The following LBP variants were observed in gnomAD, a reference collection of about 807,000 sequenced individuals.
LBP encodes the protein lipopolysaccharide-binding protein.
LBP carries 53 observed loss-of-function variants against 56.6 expected under a neutral mutation model. That is an observed-to-expected ratio of 0.94 (90% confidence interval 0.75 to 1.18). The LOEUF is 1.18. LBP is among the 50% of genes most tolerant of loss of function. The pLI, the probability that LBP is intolerant of heterozygous loss-of-function variation, is 0.00. For synonymous variants in LBP, 227 were observed against 247.5 expected, an observed-to-expected ratio of 0.92 and a Z score of 0.78; for missense variants, 601 against 598.3, an observed-to-expected ratio of 1.00 and a Z score of -0.05.
At chr20:38,348,867 C>T (rs1194669410) in intron 1 of LBP, among the ~76,000 whole-genome samples, 2 of 152,172 alleles carry the variant, frequency 1.3e-5, no homozygotes, top group African/African-American at 4.8e-5. Context: ...GATCTCGGCT[C>T]ACTGCAATCT....
chr20:38,353,417 A>G (rs1003453525), intron 3 of LBP, among the ~76,000 whole-genome samples: 1 of 150,418 alleles, frequency 6.6e-6, no homozygotes, highest in Non-Finnish European at 1.5e-5. Flanking sequence ...CAAAGGCTGC[A>G]TAACATTGGG....
At position 38,350,809 on chromosome 20, in the gene LBP, A is replaced by C; in HGVS notation, c.240-2A>C. ...CACCTCCTTCCATGTCTCTCCCTTC[A>C]GCCTGAACATCCACAGCTGTGAGCT... On this transcript the variant is annotated splice_acceptor_variant, in intron 2 of 14. Coordinates refer to ENST00000217407, the MANE Select transcript of LBP (RefSeq NM_004139.5). LOFTEE classifies it high-confidence loss of function. 1 of 1,602,182 alleles carries C rather than the reference A, an allele frequency of 6.2e-7. No homozygotes were observed. Among genetic ancestry groups the C allele is most frequent in the Non-Finnish European group, 8.5e-7 (1 of 1,171,046 alleles).
At chr20:38,376,286 G>A (rs1379194978) in intron 14 of LBP, among the ~76,000 whole-genome samples, 6 of 152,154 alleles carry the variant, frequency 3.9e-5, no homozygotes, top group Non-Finnish European at 5.9e-5. Flanking sequence ...TCTGGGTGAT[G>A]GAAACGTAAG....
intron 6 of LBP, among the ~76,000 whole-genome samples, chr20:38,362,053 CTTTTTTTTT>C (rs1229689650): frequency 8.5e-6 from 1 of 117,672 alleles, no homozygotes; most frequent in Non-Finnish European, 1.8e-5. Context: ...TTTTTGTTTT[CTTTTTTTTT>C]TTTTTTTTTT....
rs527947661 is a variant in LBP, at chr20:38,376,292, G to A, written c.1402-333G>A. Among the ~76,000 whole-genome samples, 30 of 152,292 alleles carry A rather than the reference G, an allele frequency of 2.0e-4. 1 individual carries two copies. The highest frequency in any genetic ancestry group is 1.0e-3 in the South Asian group (5 of 4,824). ...TCCTGCCCCTCTGGGTGATGGAAAC[G>A]TAAGAAGAGCAGGAGAGTACACCCT... On this transcript the variant is annotated intron_variant, in intron 14 of 14. Coordinates refer to ENST00000217407, the MANE Select transcript of LBP (RefSeq NM_004139.5).
At position 38,348,802 on chromosome 20, in the gene LBP, T is replaced by TGTTTC. The variant is rs1368123034; in HGVS notation, c.125-742_125-741insCGTTT. Reference sequence around the variant, plus strand: ...AGTTTAGTTTAGTTTTGTTTTGTTTTGTTTTGTTTGAGACAGAGTCTCACT... The same window carrying TGTTTC: ...AGTTTAGTTTAGTTTTGTTTTGTTTTGTTTCGTTTTGTTTGAGACAGAGTCTCACT... On this transcript the variant is annotated intron_variant, in intron 1 of 14. Coordinates refer to ENST00000217407, the MANE Select transcript of LBP (RefSeq NM_004139.5). 2.3e-4 allele frequency among the ~76,000 whole-genome samples: 31 copies of TGTTTC among 133,476 alleles called. No individual in the cohort carries two copies. The East Asian group carries it at 6.3e-3, about 27-fold the overall frequency. The allele number at this position is 133,476 out of a possible 152,430, so 87.6% of individuals were successfully genotyped here. A position where few individuals can be genotyped will look rare whatever the true frequency, so the allele number is the denominator to read the frequency against.
At chr20:38,365,706 AAAAAAAAAAAAATATAT>A (rs1294671311) in intron 8 of LBP, among the ~76,000 whole-genome samples, 1,325 of 76,700 alleles carry the variant, frequency 0.017, 30 homozygotes, top group African/African-American at 0.074. Flanking sequence ...CAAAAAAAAA[AAAAAAAAAAAAATATAT>A]ATATATATAT....
chr20:38,367,663 A>G (rs1040833619), intron 9 of LBP, among the ~76,000 whole-genome samples: 3 of 152,160 alleles, frequency 2.0e-5, no homozygotes, highest in South Asian at 2.1e-4. Flanking sequence ...ACTATCTCTT[A>G]TCTGAAATGC....
intron 3 of LBP, 48 bp downstream of exon 3, chr20:38,350,987 C>A: frequency 1.3e-6 from 2 of 1,595,828 alleles, no homozygotes; most frequent in Non-Finnish European, 8.6e-7. Flanking sequence ...CCTTGGCCTT[C>A]GCCCCATCCT....
intron 7 of LBP, 136 bp from the exon 8 acceptor site, chr20:38,364,440 T>C (rs1296545228): frequency 2.4e-6 from 2 of 830,104 alleles, no homozygotes; most frequent in Non-Finnish European, 4.0e-6. Context: ...TTAAAAGACA[T>C]AACACTGCCT....
At chr20:38,354,715 TGAAG>T (rs1264359954) in intron 4 of LBP, among the ~76,000 whole-genome samples, 2 of 152,090 alleles carry the variant, frequency 1.3e-5, no homozygotes, top group South Asian at 2.1e-4. Context: ...AAACTTTGGT[TGAAG>T]GAGAGTTTGC....
intron 1 of LBP, among the ~76,000 whole-genome samples, chr20:38,348,809 T>TTTTGC: frequency 6.6e-6 from 1 of 151,450 alleles, no homozygotes; most frequent in South Asian, 2.1e-4. Context: ...TTTTGTTTTG[T>TTTTGC]TTGAGACAGA....
chr20:38,360,517 A>C (rs1180092064), intron 5 of LBP, among the ~76,000 whole-genome samples, 187 bp from the exon 6 acceptor site: 1 of 152,166 alleles, frequency 6.6e-6, no homozygotes, highest in Non-Finnish European at 1.5e-5. Flanking sequence ...AGTGGAGTCC[A>C]CATGGGGGCC....
chr20:38,375,266 C>T (rs975433862), intron 14 of LBP, among the ~76,000 whole-genome samples: 2 of 150,164 alleles, frequency 1.3e-5, no homozygotes, highest in Non-Finnish European at 3.0e-5. Context: ...CTTTCTTTCC[C>T]TTTTTTTTTA....
chr20:38,354,531 TC>T, intron 4 of LBP, 92 bp downstream of exon 4: 1 of 1,226,930 alleles, frequency 8.2e-7, no homozygotes, highest in Non-Finnish European at 1.1e-6. Context: ...ATTGCAATGA[TC>T]CAGGTGGCTT....
At chr20:38,365,706 AAAAAAAAAAAAATATATAT>A (rs1448338103) in intron 8 of LBP, among the ~76,000 whole-genome samples, 23 of 76,732 alleles carry the variant, frequency 3.0e-4, no homozygotes, top group South Asian at 1.3e-3. Context: ...CAAAAAAAAA[AAAAAAAAAAAAATATATAT>A]ATATATATAT....
Position 38,373,960 on chromosome 20 carries a change from C to T in LBP, c.1348C>T (p.Leu450Phe). Residue 450 changes from leucine to phenylalanine, a missense_variant, in exon 14 of 15, where the codon CTT (leucine) becomes TTT (phenylalanine). Coordinates refer to ENST00000217407, the MANE Select transcript of LBP (RefSeq NM_004139.5). ...AGATAAGTTGGCCGAAGGCTTCCCC[C>T]TTCCTCTGCTGAAGCGTGTTCAGCT... is the stretch of plus-strand genomic sequence containing the variant. ...FNDKLAEGFP[L>F]PLLKRVQLYD... 2.5e-6 allele frequency: 4 copies of T among 1,614,148 alleles called. No homozygotes were observed. The highest frequency in any genetic ancestry group is 3.4e-6 in the Non-Finnish European group (4 of 1,180,000).
At chr20:38,355,168 C>T (rs1484872938) in intron 4 of LBP, among the ~76,000 whole-genome samples, 178 bp from the exon 5 acceptor site, 1 of 152,250 alleles carries the variant, frequency 6.6e-6, no homozygotes, top group East Asian at 1.9e-4. Flanking sequence ...TTGGGTGCCG[C>T]AGGCACTGGG....
chr20:38,356,229 A>C (rs1279648913), intron 5 of LBP, among the ~76,000 whole-genome samples: 2 of 8,672 alleles, frequency 2.3e-4, no homozygotes, highest in Non-Finnish European at 6.3e-4. Flanking sequence ...CACACCCCAC[A>C]CACACACCCT....
Sources: gnomAD v4.1 joint callset for allele counts (sites outside exome capture counted in the v4.1 genomes callset) on GRCh38, gnomAD v4.1.1 for gene constraint, MANE v1.5 for transcripts, NCBI Gene and HGNC (gene_info 2026-07-23, HGNC 2026-07-21) for gene names.